The following RFX4 variants were observed in gnomAD, a reference collection of about 807,000 sequenced individuals.
The protein encoded by RFX4 is transcription factor RFX4.
In RFX4, 10 loss-of-function variants were observed where a neutral mutation model predicts 95.0. The observed-to-expected ratio is 0.11, with a 90% CI of 0.06 to 0.18. The LOEUF is 0.18. Among genes scored for constraint, RFX4 ranks in the 10% least tolerant of loss-of-function variants. RFX4 has a pLI of 1.00. For missense variants in RFX4, 640 were observed against 922.0 expected (o/e 0.69, Z 3.96); for synonymous variants, 321 against 340.7 (o/e 0.94, Z 0.64).
At chr12:106,602,524 T>G (rs1335966366) in intron 1 of RFX4, among the ~76,000 whole-genome samples, 1 of 152,168 alleles carries the variant, frequency 6.6e-6, no homozygotes, top group Non-Finnish European at 1.5e-5. Context: ...AAACCCCACA[T>G]TCTCCCAAGC....
chr12:106,639,879 G>C (rs2040584283), intron 3 of RFX4, among the ~76,000 whole-genome samples: 1 of 152,214 alleles, frequency 6.6e-6, no homozygotes, highest in Non-Finnish European at 1.5e-5. Context: ...GGTTGCACTT[G>C]TGTTTGATAT....
At chr12:106,677,976 C>T (rs1243046718) in intron 4 of RFX4, among the ~76,000 whole-genome samples, 1 of 152,064 alleles carries the variant, frequency 6.6e-6, no homozygotes, top group Non-Finnish European at 1.5e-5. Flanking sequence ...GAGATTGATG[C>T]TGGTCACACA....
In RFX4 at chr12:106,686,926, T is replaced by C. The variant is rs1241838959; in HGVS notation, c.420T>C (p.Tyr140=). The C allele has an allele frequency of 1.9e-6, 3 of 1,613,592 alleles. No individual in the cohort carries two copies. The East Asian group carries it at 6.7e-5, about 36-fold the overall frequency. ...TTGCAGTGAAAGAAAGCTCCCAATATTATGATGTGATGTATTCCAAGAAAG... is the reference window on the plus strand; with the variant it reads ...TTGCAGTGAAAGAAAGCTCCCAATACTATGATGTGATGTATTCCAAGAAAG... ...YGIAVKESSQ[Y]YDVMYSKKGA... The change falls in exon 6 of 18, where the codon TAT becomes TAC. Residue 140 remains tyrosine, a synonymous_variant. Coordinates refer to ENST00000392842, the MANE Select transcript of RFX4 (RefSeq NM_213594.3).
intron 7 of RFX4, chr12:106,693,254 A>T: frequency 4.5e-6 from 1 of 221,354 alleles, no homozygotes; most frequent in South Asian, 5.4e-5. Flanking sequence ...GTAGAAAGGG[A>T]TGTTAAAACT....
chr12:106,623,817 T>C (rs2040234787), intron 2 of RFX4, among the ~76,000 whole-genome samples: 1 of 152,166 alleles, frequency 6.6e-6, no homozygotes, highest in African/African-American at 2.4e-5. Flanking sequence ...ATGCTTTGGA[T>C]TGTAAGAGAC....
At chr12:106,741,930 C>A (rs912555853) in intron 15 of RFX4, among the ~76,000 whole-genome samples, 1 of 152,166 alleles carries the variant, frequency 6.6e-6, no homozygotes, top group Admixed American at 6.5e-5. Flanking sequence ...CTATGACAAT[C>A]GAATGCTGCT....
intron 4 of RFX4, among the ~76,000 whole-genome samples, chr12:106,677,769 T>C (rs1391853649): frequency 6.6e-6 from 1 of 152,052 alleles, no homozygotes; most frequent in African/African-American, 2.4e-5. Flanking sequence ...GGAAACCAGT[T>C]AGAAGAATGT....
At chr12:106,654,387 A>G (rs1161810487) in intron 4 of RFX4, 36 bp downstream of exon 4, 1 of 1,585,064 alleles carries the variant, frequency 6.3e-7, no homozygotes, top group South Asian at 1.1e-5. Context: ...CCTCCCTACC[A>G]CCCCAACTTT....
At chr12:106,750,492 A>C (rs1216495232) in intron 16 of RFX4, among the ~76,000 whole-genome samples, 163 bp from the exon 17 acceptor site, 3 of 150,756 alleles carry the variant, frequency 2.0e-5, no homozygotes, top group African/African-American at 7.3e-5. Context: ...AAAAAAAAAA[A>C]CAGATGAAAG....
chr12:106,660,936 A>G lies in RFX4; in HGVS notation c.315+6585A>G, dbSNP rs983512805. ...CTGAAACCATTCCTTCAACCTGTCC[A>G]AGGGAAAATTGTCTTCCATGAAACC... On this transcript the variant is annotated intron_variant, in intron 4 of 17. Coordinates refer to ENST00000392842, the MANE Select transcript of RFX4 (RefSeq NM_213594.3). Among the ~76,000 whole-genome samples, 5 of 152,198 alleles carry G rather than the reference A, an allele frequency of 3.3e-5. No individual in the cohort carries two copies. In the East Asian group the frequency reaches 7.7e-4, roughly 23 times the overall value.
intron 17 of RFX4, among the ~76,000 whole-genome samples, chr12:106,754,681 A>G (rs1458245177): frequency 3.3e-5 from 5 of 152,230 alleles, no homozygotes; most frequent in East Asian, 1.9e-4. Context: ...CAACTGGAAC[A>G]CTGCCATTTA....
intron 2 of RFX4, among the ~76,000 whole-genome samples, chr12:106,626,758 G>T (rs1292420465): frequency 1.3e-5 from 2 of 152,086 alleles, no homozygotes; most frequent in Non-Finnish European, 2.9e-5. Context: ...GAACCCAATG[G>T]GATTCTTTGG....
intron 1 of RFX4, among the ~76,000 whole-genome samples, chr12:106,602,100 G>A (rs1418844997): frequency 6.6e-6 from 1 of 152,120 alleles, no homozygotes; most frequent in African/African-American, 2.4e-5. Flanking sequence ...CCCCAGCCTC[G>A]GAGTCAGGCA....
chr12:106,722,108 A>T (rs571366553), intron 13 of RFX4, among the ~76,000 whole-genome samples: 1 of 152,386 alleles, frequency 6.6e-6, no homozygotes, highest in African/African-American at 2.4e-5. Flanking sequence ...CAGTGCCATC[A>T]GGCATGGCAT....
chr12:106,741,991 A>T (rs2042814536), intron 15 of RFX4, among the ~76,000 whole-genome samples: 1 of 151,878 alleles, frequency 6.6e-6, no homozygotes, highest in Non-Finnish European at 1.5e-5. Flanking sequence ...CTTGCCCACC[A>T]CTCACCTCTT....
intron 15 of RFX4, among the ~76,000 whole-genome samples, chr12:106,745,203 A>G (rs1040869835): frequency 6.6e-6 from 1 of 151,964 alleles, no homozygotes; most frequent in African/African-American, 2.4e-5. Flanking sequence ...TTATATTGCT[A>G]TACACTCCCT....
intron 4 of RFX4, 31 bp downstream of exon 4, chr12:106,654,382 C>A (rs1413531440): frequency 6.3e-7 from 1 of 1,593,744 alleles, no homozygotes; most frequent in African/African-American, 1.4e-5. Flanking sequence ...CTTGTCCTCC[C>A]TACCACCCCA....
chr12:106,598,076 A>G (rs1276459578), intron 1 of RFX4, among the ~76,000 whole-genome samples: 1 of 152,188 alleles, frequency 6.6e-6, no homozygotes, highest in Non-Finnish European at 1.5e-5. Context: ...CGTATTATGC[A>G]TAAGGAGACA....
chr12:106,724,304 T>G (rs2042450238), intron 13 of RFX4, among the ~76,000 whole-genome samples: 1 of 152,206 alleles, frequency 6.6e-6, no homozygotes, highest in African/African-American at 2.4e-5. Flanking sequence ...CTTGGAGAAT[T>G]TCCTTGCACA....
Sources: allele counts gnomAD v4.1 joint callset (sites outside exome capture counted in the v4.1 genomes callset), GRCh38; gene constraint gnomAD v4.1.1; transcripts MANE v1.5; gene names NCBI Gene and HGNC (gene_info 2026-07-23, HGNC 2026-07-21).